RBFOX1: variants seen among roughly 807,000 people sequenced by gnomAD.
The protein encoded by RBFOX1 is RNA binding fox-1 homolog 1.
A neutral mutation model predicts 57.7 loss-of-function variants in RBFOX1; 8 were observed. The ratio of observed to expected loss-of-function variants is 0.14; its 90% CI spans 0.08 to 0.25. The LOEUF (loss-of-function observed/expected upper bound fraction) is 0.25. Among genes scored for constraint, RBFOX1 ranks in the 10% least tolerant of loss-of-function variants. The pLI, the probability that RBFOX1 is intolerant of heterozygous loss-of-function variation, is 1.00. For missense variants in RBFOX1, 611 were observed against 548.5 expected (o/e 1.11, Z -1.14); for synonymous variants, 326 against 222.4 (o/e 1.47, Z -4.15).
chr16:6,181,180 T>C (rs1421877932), intron 1 of RBFOX1, among the ~76,000 whole-genome samples: 1 of 152,160 alleles, frequency 6.6e-6, no homozygotes, highest in Admixed American at 6.5e-5. Context: ...GAGAATATAA[T>C]CACTTCTACC....
intron 3 of RBFOX1, among the ~76,000 whole-genome samples, chr16:5,675,497 C>A (rs1287362372): frequency 6.6e-6 from 1 of 152,202 alleles, no homozygotes; most frequent in Non-Finnish European, 1.5e-5. Flanking sequence ...GCTCCCCAAA[C>A]ACAGCTGCCT....
chr16:6,519,764 G>C (rs556362313), intron 2 of RBFOX1, among the ~76,000 whole-genome samples: 1 of 152,048 alleles, frequency 6.6e-6, no homozygotes, highest in East Asian at 1.9e-4. Context: ...TTGTATGCCC[G>C]GTTCTGTATT....
intron 4 of RBFOX1, among the ~76,000 whole-genome samples, chr16:7,393,881 C>T (rs1172500291): frequency 1.3e-5 from 2 of 152,018 alleles, no homozygotes; most frequent in African/African-American, 4.8e-5. Flanking sequence ...CTGCAAACAC[C>T]CACGTCAGCA....
chr16:7,318,342 ATGGTGGTAGTTGCAGTGGTGGTGG>A (rs2096483086), intron 4 of RBFOX1, among the ~76,000 whole-genome samples: 1 of 150,894 alleles, frequency 6.6e-6, no homozygotes, highest in Non-Finnish European at 1.5e-5. Context: ...GACAGTGCTG[ATGGTGGTAGTTGCAGTGGTGGTGG>A]TGGTGGTGAT....
At chr16:6,466,065 C>T (rs2095042809) in intron 2 of RBFOX1, among the ~76,000 whole-genome samples, 1 of 151,834 alleles carries the variant, frequency 6.6e-6, no homozygotes, top group South Asian at 2.1e-4. Context: ...CCCATCTCTA[C>T]TAAAAATATG....
intron 4 of RBFOX1, among the ~76,000 whole-genome samples, chr16:7,448,925 C>CTTTTTTTT (rs1491185704): frequency 1.7e-4 from 5 of 28,774 alleles, no homozygotes; most frequent in African/African-American, 5.2e-4. Context: ...TTTCTTTCCC[C>CTTTTTTTT]TGTTTTTTTT....
Position 5,730,777 on chromosome 16 carries a change from T to C in RBFOX1, c.318+131816T>C, listed in dbSNP as rs765898959. Among the ~76,000 whole-genome samples, 30 of 152,090 alleles carry C rather than the reference T, an allele frequency of 2.0e-4. 1 individual carries two copies. The highest frequency in any genetic ancestry group is 4.4e-4 in the Non-Finnish European group (30 of 68,008). On this transcript the variant is annotated intron_variant, in intron 3 of 19. Coordinates refer to the RBFOX1 transcript ENST00000641259. ...ACCATCAGTATCACTGCTACCATTG[T>C]CACCAATGTTAACACCATTACCACC...
At chr16:7,441,074 T>G (rs2098762330) in intron 4 of RBFOX1, among the ~76,000 whole-genome samples, 1 of 152,142 alleles carries the variant, frequency 6.6e-6, no homozygotes, top group Admixed American at 6.5e-5. Flanking sequence ...AGCTGTTATT[T>G]TCCTAAGATA....
intron 3 of RBFOX1, among the ~76,000 whole-genome samples, chr16:5,846,648 CCA>C (rs1433455560): frequency 1.3e-5 from 2 of 152,206 alleles, no homozygotes; most frequent in African/African-American, 4.8e-5. Context: ...CTTCTCTCCA[CCA>C]CACTCAGCTG....
intron 4 of RBFOX1, among the ~76,000 whole-genome samples, chr16:7,121,964 A>G (rs966292482): frequency 6.6e-6 from 1 of 152,080 alleles, no homozygotes; most frequent in East Asian, 1.9e-4. Flanking sequence ...AATAATTGCA[A>G]ACACATTTGC....
At chr16:7,572,328 T>C (rs1051310187) in intron 5 of RBFOX1, among the ~76,000 whole-genome samples, 2 of 152,190 alleles carry the variant, frequency 1.3e-5, no homozygotes, top group African/African-American at 2.4e-5. Context: ...AGGTCGCTCA[T>C]GGTAAGGCTT....
intron 2 of RBFOX1, among the ~76,000 whole-genome samples, chr16:5,473,137 A>G (rs1310131831): frequency 2.6e-5 from 4 of 152,088 alleles, no homozygotes; most frequent in Admixed American, 6.5e-5. Flanking sequence ...TGTCTTTTCC[A>G]TGGCACTCAG....
rs899052317 is a variant in RBFOX1 at position 6,019,784 on chromosome 16, CG to C, written c.-334del. On this transcript the variant is annotated 5_prime_UTR_variant, in exon 1 of 16. Coordinates refer to ENST00000550418, the MANE Select transcript of RBFOX1 (RefSeq NM_018723.4). This position sits in a 1 kb window ranked among gnomAD's most constrained non-coding sequence, Gnocchi z 4.2. ...CCCACCCAGTGGCCGCCAGGGTCCC[CG>C]CCTGTCCGGACCCTCGCCGCGCCCA... The C allele has an allele frequency of 3.6e-5, 52 of 1,452,306 alleles. No individual in the cohort carries two copies. In the African/African-American group the frequency reaches 7.1e-4, roughly 20 times the overall value. 90.0% of individuals were successfully genotyped at this position (1,452,306 alleles called of 1,614,324 possible).
intron 2 of RBFOX1, among the ~76,000 whole-genome samples, chr16:5,528,169 A>G (rs117158889): frequency 1.2e-3 from 185 of 152,172 alleles, no homozygotes; most frequent in Non-Finnish European, 2.2e-3. Context: ...TCTGGGTCCT[A>G]AGGTTCTGCT....
chr16:6,061,289 A>G (rs1032655139), intron 1 of RBFOX1, among the ~76,000 whole-genome samples: 2 of 152,202 alleles, frequency 1.3e-5, no homozygotes, highest in Non-Finnish European at 1.5e-5. Flanking sequence ...TAACTAAGCT[A>G]TAATAAGCAT....
chr16:7,478,146 A>G (rs938694121), intron 4 of RBFOX1, among the ~76,000 whole-genome samples: 12 of 152,194 alleles, frequency 7.9e-5, no homozygotes, highest in Admixed American at 2.0e-4. Context: ...AATTTGTTAG[A>G]ATGCATCTGT....
intron 3 of RBFOX1, among the ~76,000 whole-genome samples, chr16:6,946,756 C>T (rs1259103789): frequency 6.6e-6 from 1 of 152,078 alleles, no homozygotes; most frequent in Middle Eastern, 3.2e-3. Context: ...ACTCACTCCA[C>T]TCTGCCCAAC....
chr16:5,672,904 T>C (rs985663601), intron 3 of RBFOX1, among the ~76,000 whole-genome samples: 2 of 151,816 alleles, frequency 1.3e-5, no homozygotes, highest in South Asian at 2.1e-4. Context: ...GGTTTTCATT[T>C]TTAATAATTA....
At chr16:6,741,719 T>C (rs1603486115) in intron 3 of RBFOX1, among the ~76,000 whole-genome samples, 2 of 151,402 alleles carry the variant, frequency 1.3e-5, no homozygotes, top group East Asian at 3.9e-4. Flanking sequence ...CCTGTTAAGA[T>C]ATTGGAAAGA....
Sources: allele counts gnomAD v4.1 joint callset (sites outside exome capture counted in the v4.1 genomes callset), GRCh38; gene constraint gnomAD v4.1.1; non-coding constraint Gnocchi (gnomAD v3.1); transcripts MANE v1.5; gene names NCBI Gene and HGNC (gene_info 2026-07-23, HGNC 2026-07-21).